The following USP1 variants were observed in gnomAD, a reference collection of about 807,000 sequenced individuals.
USP1 encodes ubiquitin specific peptidase 1.
In USP1, 18 loss-of-function variants were observed where a neutral mutation model predicts 72.2. That is an observed-to-expected ratio of 0.25 (90% CI 0.17 to 0.37). The LOEUF (loss-of-function observed/expected upper bound fraction) is 0.37. Ranked by LOEUF, USP1 falls within the 10% of genes least tolerant of loss-of-function variation. The probability of loss-of-function intolerance (pLI) is 1.00; values close to 1 mark genes in which losing one functional copy is unlikely to be tolerated. For synonymous variants in USP1, 354 were observed against 303.7 expected (o/e 1.17, Z -1.72); for missense variants, 759 against 884.9 (o/e 0.86, Z 1.81).
chr1:62,438,252 C>T (rs935683628), intron 1 of USP1, among the ~76,000 whole-genome samples: 3 of 152,124 alleles, frequency 2.0e-5, no homozygotes, highest in African/African-American at 7.2e-5. Context: ...TTCTGTCATC[C>T]ATTAAATTGG....
chr1:62,441,526 A>G lies in USP1; in HGVS notation c.209A>G (p.Asn70Ser). ...VVPAAQSSPI[N>S]CEKRENLLPF... ...CCTGCAGCACAGTCTTCACCTATAAACTGTGAGAAGAGAGAAAACTTGTTA... is the reference window on the plus strand; with the variant it reads ...CCTGCAGCACAGTCTTCACCTATAAGCTGTGAGAAGAGAGAAAACTTGTTA... Residue 70 changes from asparagine (N) to serine (S), a missense_variant, in exon 3 of 9, where the codon AAC becomes AGC. Coordinates refer to ENST00000339950, the MANE Select transcript of USP1 (RefSeq NM_003368.5). 1 of 1,613,644 alleles carries G rather than the reference A, an allele frequency of 6.2e-7. No individual in the cohort carries two copies. Among genetic ancestry groups the G allele is most frequent in the Non-Finnish European group, 8.5e-7 (1 of 1,179,788 alleles).
At chr1:62,441,419 A>G (rs1645133305) in intron 2 of USP1, 69 bp from the exon 3 acceptor site, 8 of 1,450,774 alleles carry the variant, frequency 5.5e-6, no homozygotes, top group Non-Finnish European at 7.3e-6. Context: ...GACTAAATCT[A>G]CAGAAGTAAT....
At position 62,450,375 on chromosome 1, in the gene USP1, T is replaced by C. The variant is rs778169167; in HGVS notation, c.1752T>C (p.His584=). 1.9e-6 allele frequency: 3 copies of C among 1,613,998 alleles called. No homozygotes were observed. The highest frequency in any genetic ancestry group is 2.2e-5 in the South Asian group (2 of 91,084). ...ATGGATTATTTGCGGTTGTGATGCA[T>C]AGTGGCATTACAATTAGTAGTGGGC... is the stretch of plus-strand genomic sequence containing the variant. ...DSYGLFAVVM[H]SGITISSGHY... Residue 584 remains histidine, a synonymous_variant, in exon 9 of 9, where the codon CAT becomes CAC. Transcript: ENST00000339950.
chr1:62,437,120 G>A lies in USP1; in HGVS notation c.-350G>A, dbSNP rs1645093701. Reference sequence around the variant, plus strand: ...GCGGTTCAGGCGTTCGGCGAGCGGGGCCGCTGCTTGTTGCGCTCCTGGCTC... The same window carrying A: ...GCGGTTCAGGCGTTCGGCGAGCGGGACCGCTGCTTGTTGCGCTCCTGGCTC... On this transcript the variant is annotated 5_prime_UTR_variant, in exon 1 of 9. Coordinates refer to ENST00000339950, the MANE Select transcript of USP1 (RefSeq NM_003368.5). 1 of 399,190 alleles carries A rather than the reference G, an allele frequency of 2.5e-6. No individual in the cohort carries two copies. 24.7% of individuals were successfully genotyped at this position (399,190 alleles called of 1,614,324 possible).
At chr1:62,442,953 G>A (rs952000360) in intron 4 of USP1, among the ~76,000 whole-genome samples, 11 of 152,014 alleles carry the variant, frequency 7.2e-5, no homozygotes, top group African/African-American at 2.2e-4. Context: ...AGTGAGCCGC[G>A]ATCAAGCCAC....
intron 5 of USP1, 81 bp downstream of exon 5, chr1:62,443,400 A>C (rs1233434670): frequency 5.1e-6 from 7 of 1,370,436 alleles, no homozygotes; most frequent in Non-Finnish European, 6.8e-6. Flanking sequence ...GCGAAGAAAC[A>C]GGAATAAAGG....
At position 62,451,426 on chromosome 1, in the gene USP1, A is replaced by G. The variant is rs1228531744; in HGVS notation, c.*445A>G. 1 of 154,344 alleles carries G rather than the reference A, an allele frequency of 6.5e-6. No individual in the cohort carries two copies. Among genetic ancestry groups the G allele is most frequent in the East Asian group, 1.9e-4 (1 of 5,228 alleles). 9.6% of individuals were successfully genotyped at this position (154,344 alleles called of 1,614,324 possible). On this transcript the variant is annotated 3_prime_UTR_variant, in exon 9 of 9. Coordinates refer to ENST00000339950, the MANE Select transcript of USP1 (RefSeq NM_003368.5). ...AGTTTTATAAGAGTCATGAAGCTAA[A>G]TCCTTGGGCTATGTCAGAGGCACAA...
intron 6 of USP1, among the ~76,000 whole-genome samples, chr1:62,446,003 G>T (rs1406149974): frequency 6.6e-6 from 1 of 151,980 alleles, no homozygotes; most frequent in Non-Finnish European, 1.5e-5. Context: ...TAATAATAAA[G>T]TAGGGAAGTT....
At chr1:62,450,210 A>G in intron 8 of USP1, 36 bp from the exon 9 acceptor site, 1 of 1,569,802 alleles carries the variant, frequency 6.4e-7, no homozygotes, top group Non-Finnish European at 8.6e-7. Context: ...TTTAAAATAG[A>G]ACTGCAGGAA....
upstream of USP1, chr1:62,437,035 G>T (rs901689437): frequency 2.5e-6 from 1 of 398,446 alleles, no homozygotes; most frequent in African/African-American, 2.1e-5. Context: ...AAACACGGGG[G>T]TCCTGAGACT....
At chr1:62,438,841 G>T (rs1371130383) in intron 1 of USP1, among the ~76,000 whole-genome samples, 3 of 152,134 alleles carry the variant, frequency 2.0e-5, no homozygotes, top group Non-Finnish European at 4.4e-5. Flanking sequence ...TTTGGAAAAC[G>T]AGTATTGTGG....
intron 6 of USP1, among the ~76,000 whole-genome samples, chr1:62,446,686 A>G (rs549314948): frequency 1.3e-5 from 2 of 152,384 alleles, no homozygotes; most frequent in South Asian, 4.1e-4. Context: ...TACAGATATC[A>G]GGGAAAATGT....
intron 3 of USP1, 49 bp downstream of exon 3, chr1:62,441,657 G>A (rs1645135304): frequency 6.4e-7 from 1 of 1,564,034 alleles, no homozygotes; most frequent in African/African-American, 1.4e-5. Context: ...GGCAAAGATT[G>A]ATGTAGCATT....
chr1:62,437,460 C>A, intron 1 of USP1, 60 bp downstream of exon 1: 1 of 324,986 alleles, frequency 3.1e-6, no homozygotes, highest in Admixed American at 4.9e-5. Context: ...TCGGCCGGCG[C>A]GGGAGAGGAG....
At chr1:62,440,673 T>G (rs983977322) in intron 2 of USP1, among the ~76,000 whole-genome samples, 3 of 152,194 alleles carry the variant, frequency 2.0e-5, no homozygotes, top group African/African-American at 7.2e-5. Flanking sequence ...TCCTAATAGC[T>G]ATCAATAACC....
At chr1:62,447,213 C>T in intron 6 of USP1, 128 bp from the exon 7 acceptor site, 5 of 901,040 alleles carry the variant, frequency 5.5e-6, no homozygotes, top group Non-Finnish European at 8.2e-6. Flanking sequence ...GCTAATAATG[C>T]TAATAAGCTG....
chr1:62,436,756 C>T (rs1645089868), upstream of USP1: 2 of 201,514 alleles, frequency 9.9e-6, no homozygotes, highest in African/African-American at 4.6e-5. Flanking sequence ...GGCTCGAGCC[C>T]GCCAGCCAGG....
Position 62,447,306 on chromosome 1 carries a change from C to T in USP1, c.1250-35C>T, listed in dbSNP as rs544614476. 4.5e-6 allele frequency: 7 copies of T among 1,565,912 alleles called. No individual in the cohort carries two copies. In the East Asian group the frequency reaches 1.6e-4, roughly 35 times the overall value. On this transcript the variant is annotated intron_variant, in intron 6 of 8. Transcript: ENST00000339950. ...ATTTGGACTATAATGAGAAACTAATCTGTATAGACTTACATTTTCCTATTT... is the reference window on the plus strand; with the variant it reads ...ATTTGGACTATAATGAGAAACTAATTTGTATAGACTTACATTTTCCTATTT...
Position 62,448,661 on chromosome 1 carries a change from T to C in USP1, c.1617T>C (p.Gly539=). The C allele has an allele frequency of 6.2e-7, 1 of 1,612,502 alleles. No individual in the cohort carries two copies. The highest frequency in any genetic ancestry group is 8.5e-7 in the Non-Finnish European group (1 of 1,179,856). ...TIHLKCFAAS[G]LEFDCYGGGL... is the part of the protein sequence containing the mutation. ...ATTTGAAGTGCTTTGCTGCTAGTGGTTTGGAGTAAGTATTGTAAATAAGAA... is the reference window on the plus strand; with the variant it reads ...ATTTGAAGTGCTTTGCTGCTAGTGGCTTGGAGTAAGTATTGTAAATAAGAA... The change falls in exon 8 of 9, where the codon GGT becomes GGC. Residue 539 remains glycine, a synonymous_variant. Coordinates refer to ENST00000339950, the MANE Select transcript of USP1 (RefSeq NM_003368.5).
Sources: gnomAD v4.1 joint callset for allele counts (sites outside exome capture counted in the v4.1 genomes callset) on GRCh38, gnomAD v4.1.1 for gene constraint, MANE v1.5 for transcripts, NCBI Gene and HGNC (gene_info 2026-07-23, HGNC 2026-07-21) for gene names.